The following XIST variants were observed in gnomAD, a reference collection of about 807,000 sequenced individuals.
XIST encodes the protein X inactive specific transcript, also known as X inactive specific transcript (non-protein coding).
chrX:73,843,037 T>G, exon 1 of XIST: 4 of 558,494 alleles, frequency 7.2e-6, no homozygotes. Flanking sequence ...GACAAGTGCA[T>G]GGAATACTCC....
At chrX:73,850,324 G>A (rs1922887989) in exon 1 of XIST, 2 of 544,279 alleles carry the variant, frequency 3.7e-6, no homozygotes, top group South Asian at 4.8e-5. Context: ...AAACTTTAAG[G>A]AATTTTAAGG....
At chrX:73,839,882 T>C (rs751209786) in intron 1 of XIST, among the ~76,000 whole-genome samples, 53 of 110,073 alleles carry the variant, frequency 4.8e-4, no homozygotes, top group African/African-American at 1.7e-3. Flanking sequence ...ACCTCCAAAT[T>C]CATTCATTTA....
chrX:73,849,154 C>A (rs1285416131), exon 1 of XIST: 2 of 559,236 alleles, frequency 3.6e-6, no homozygotes, highest in South Asian at 4.4e-5. Flanking sequence ...TGGTAGTCTT[C>A]ATGATTAATG....
chrX:73,848,245 G>A (rs1225629713), exon 1 of XIST: 1 of 554,454 alleles, frequency 1.8e-6, no homozygotes, highest in Non-Finnish European at 3.2e-6. Context: ...GAATATGAGG[G>A]GATGAGACCC....
intron 2 of XIST, chrX:73,833,686 A>T (rs1281561825): frequency 6.9e-6 from 1 of 144,685 alleles, no homozygotes; most frequent in Non-Finnish European, 1.3e-5. Flanking sequence ...ATACTTCAAG[A>T]TTCAAGGTGG....
exon 1 of XIST, chrX:73,852,105 T>TA (rs36033063): frequency 0.013 from 5,044 of 389,347 alleles, 6 homozygotes; most frequent in Middle Eastern, 0.033. Context: ...CAAGGAAAAA[T>TA]AAAAAAAAAA....
exon 1 of XIST, chrX:73,848,857 T>C (rs1314261906): frequency 1.8e-6 from 1 of 556,049 alleles, no homozygotes; most frequent in Admixed American, 2.2e-5. Context: ...TACATATTAA[T>C]GCAAGGTGGT....
exon 1 of XIST, chrX:73,847,140 G>A: frequency 1.8e-6 from 1 of 558,887 alleles, no homozygotes; most frequent in Non-Finnish European, 3.2e-6. Context: ...CAGTGGGTGG[G>A]GTCCTTACAT....
At chrX:73,822,565 C>T (rs1922147016) in exon 6 of XIST, 1 of 507,835 alleles carries the variant, frequency 2.0e-6, no homozygotes, top group Admixed American at 2.7e-5. Context: ...ACTTTCCAAG[C>T]CAATTAATAA....
chrX:73,837,454 G>C (rs2079763972), exon 2 of XIST: 1 of 501,366 alleles, frequency 2.0e-6, no homozygotes, highest in Non-Finnish European at 3.6e-6. Flanking sequence ...AGGAGCCTAA[G>C]GAGACATGAC....
chrX:73,831,969 A>G (rs1213525296), intron 3 of XIST, among the ~76,000 whole-genome samples: 2 of 112,161 alleles, frequency 1.8e-5, no homozygotes, highest in Admixed American at 9.5e-5. Context: ...CAACCTGTAT[A>G]ATAGGGCGCC....
chrX:73,847,527 A>T, exon 1 of XIST: 1 of 514,101 alleles, frequency 1.9e-6, no homozygotes, highest in East Asian at 3.6e-5. Flanking sequence ...GCCTCAGGGC[A>T]ATTTTGCATA....
At position 73,842,175 on chromosome X, in the gene XIST, ATTTT is replaced by A; in HGVS notation, n.10545_10548del. ...CAATCCAGATGTCTTTCTTAAAAAA[ATTTT>A]TTTAATAATAATAAGCAATTTTTCT... On this transcript the variant is annotated non_coding_transcript_exon_variant, in exon 1 of 6. Transcript: ENST00000429829. 3 of 510,724 alleles carry A rather than the reference ATTTT, an allele frequency of 5.9e-6. No individual in the cohort carries two copies. In the South Asian group the frequency reaches 7.7e-5, roughly 13 times the overall value. The allele number at this position is 510,724 out of a possible 1,213,427, so 42.1% of individuals were successfully genotyped here.
exon 1 of XIST, chrX:73,849,199 A>C: frequency 1.8e-6 from 1 of 559,105 alleles, no homozygotes; most frequent in South Asian, 2.2e-5. Flanking sequence ...TTTGTTCTTT[A>C]ATTGTCCAAG....
intron 2 of XIST, chrX:73,833,480 A>C: frequency 2.2e-6 from 1 of 452,386 alleles, no homozygotes. Context: ...AAACTGAAGC[A>C]TTAGACATAG....
chrX:73,822,782 C>T (rs1411004100), exon 6 of XIST: 3 of 552,667 alleles, frequency 5.4e-6, no homozygotes, highest in Admixed American at 2.3e-5. Context: ...CTCGTATGAA[C>T]GAAAAAATAA....
exon 1 of XIST, chrX:73,842,435 G>A (rs768158281): frequency 3.6e-6 from 2 of 548,397 alleles, no homozygotes; most frequent in South Asian, 4.6e-5. Context: ...AGTAACACAG[G>A]TGGGCAAGAA....
chrX:73,830,174 C>T (rs1291577332), intron 4 of XIST, among the ~76,000 whole-genome samples: 1 of 111,424 alleles, frequency 9.0e-6, no homozygotes, highest in Admixed American at 9.5e-5. Context: ...TTCACATAGA[C>T]TACTGGCCCT....
chrX:73,841,591 A>C (rs1023624459), exon 1 of XIST: 2 of 558,771 alleles, frequency 3.6e-6, no homozygotes, highest in Non-Finnish European at 6.5e-6. Flanking sequence ...CACCCTGTAC[A>C]CTAGTGGCTG....
Sources: gnomAD v4.1 joint callset for allele counts (sites outside exome capture counted in the v4.1 genomes callset) on GRCh38, gnomAD v4.1.1 for gene constraint, MANE v1.5 for transcripts, NCBI Gene and HGNC (gene_info 2026-07-23, HGNC 2026-07-21) for gene names.